The following WIPF2 variants were observed in gnomAD, a reference collection of about 807,000 sequenced individuals.
The protein encoded by WIPF2 is WAS/WASL-interacting protein family member 2.
In WIPF2, 23 loss-of-function variants were observed where a neutral mutation model predicts 38.8. The observed-to-expected ratio is 0.59, with a 90% confidence interval of 0.43 to 0.84. The LOEUF (loss-of-function observed/expected upper bound fraction) is 0.84. Ranked by LOEUF, WIPF2 falls within the 40% of genes least tolerant of loss-of-function variation. WIPF2 has a pLI of 0.00. For missense variants in WIPF2, 574 were observed against 580.5 expected, an observed-to-expected ratio of 0.99 and a Z score of 0.11; for synonymous variants, 210 against 223.2, an observed-to-expected ratio of 0.94 and a Z score of 0.53.
In WIPF2 at chr17:40,279,749, T is replaced by C. The variant is rs1289804372; in HGVS notation, c.*1524T>C. On this transcript the variant is annotated 3_prime_UTR_variant, in exon 8 of 8. Coordinates refer to ENST00000323571, the MANE Select transcript of WIPF2 (RefSeq NM_133264.5). ...GCGTGGCATGAGAGCAAGGAGACCA[T>C]GGCTACTCTTTGAAATGGATGGGGA... is the stretch of plus-strand genomic sequence containing the variant. 1 of 150,742 alleles carries C rather than the reference T, an allele frequency of 6.6e-6. No homozygotes were observed. Among genetic ancestry groups the C allele is most frequent in the East Asian group, 2.0e-4 (1 of 5,112 alleles). 9.3% of individuals were successfully genotyped at this position (150,742 alleles called of 1,614,324 possible). A position where few individuals can be genotyped will look rare whatever the true frequency, so the allele number is the denominator to read the frequency against.
rs2032032962 is a variant in WIPF2, at chr17:40,264,897, A to G, written c.721A>G (p.Thr241Ala). The change falls in exon 5 of 8, where the codon ACA (threonine) becomes GCA (alanine). Residue 241 changes from threonine (T) to alanine (A), a missense_variant. Transcript: ENST00000323571. ...KPPPSPVNIR[T>A]GPSGQSLAPP... ...ACCTCCTTCCCCTGTGAATATCAGA[A>G]CAGGACCAAGTGGCCAGTCTCTGGC... 2.5e-6 allele frequency: 4 copies of G among 1,614,054 alleles called. No individual in the cohort carries two copies. The highest frequency in any genetic ancestry group is 3.4e-6 in the Non-Finnish European group (4 of 1,180,028).
rs1567716394 is a variant in WIPF2 at position 40,250,217 on chromosome 17, A to ATT, written c.-69-6173_-69-6172insTT. ...GAGGATGTGCAAAGCGAATTTTATC[A>ATT]TGTTTTTTTTTTTTTTTTTTTTTTT... On this transcript the variant is annotated intron_variant, in intron 1 of 7. Transcript: ENST00000323571. 2.2e-4 allele frequency among the ~76,000 whole-genome samples: 18 copies of ATT among 80,258 alleles called. 1 individual carries two copies. The highest frequency in any genetic ancestry group is 2.7e-4 in the Admixed American group (2 of 7,500). The allele number at this position is 80,258 out of a possible 152,430, so 52.7% of individuals were successfully genotyped here.
chr17:40,255,773 C>T (rs796506911), intron 1 of WIPF2, among the ~76,000 whole-genome samples: 41 of 151,916 alleles, frequency 2.7e-4, no homozygotes, highest in African/African-American at 8.9e-4. Flanking sequence ...GGACTGCAGG[C>T]GCCCACCACC....
chr17:40,259,779 T>C (rs1396541032), intron 2 of WIPF2, among the ~76,000 whole-genome samples: 8 of 152,178 alleles, frequency 5.3e-5, no homozygotes, highest in Non-Finnish European at 1.0e-4. Flanking sequence ...CCTTTCCAAA[T>C]GGCGACAATG....
chr17:40,246,396 ATTT>A (rs746176753), intron 1 of WIPF2, among the ~76,000 whole-genome samples: 2 of 90,686 alleles, frequency 2.2e-5, no homozygotes, highest in Admixed American at 2.4e-4. Context: ...TGTGCTGCTC[ATTT>A]TTTTTTTTTT....
intron 1 of WIPF2, among the ~76,000 whole-genome samples, chr17:40,228,851 A>T (rs574484655): frequency 2.6e-5 from 4 of 151,864 alleles, no homozygotes; most frequent in African/African-American, 9.7e-5. Flanking sequence ...CTCGGGCTTA[A>T]GCAGTCCTCC....
At chr17:40,266,872 A>G (rs988555543) in intron 5 of WIPF2, among the ~76,000 whole-genome samples, 1 of 152,178 alleles carries the variant, frequency 6.6e-6, no homozygotes, top group African/African-American at 2.4e-5. Flanking sequence ...TAGTTCTTCC[A>G]TAGTAACAAG....
At chr17:40,277,787 G>T (rs1191782783) in intron 7 of WIPF2, among the ~76,000 whole-genome samples, 1 of 139,978 alleles carries the variant, frequency 7.1e-6, no homozygotes, top group East Asian at 2.2e-4. Flanking sequence ...GTGCAGTGGT[G>T]CCATCTCGGC....
chr17:40,248,010 G>T (rs2031427235), intron 1 of WIPF2, among the ~76,000 whole-genome samples: 1 of 151,666 alleles, frequency 6.6e-6, no homozygotes, highest in Non-Finnish European at 1.5e-5. Context: ...TTCTATTTTT[G>T]TCTGAAACCT....
Position 40,256,542 on chromosome 17 carries a change from G to C in WIPF2, c.63+20G>C. 1 of 1,594,644 alleles carries C rather than the reference G, an allele frequency of 6.3e-7. No individual in the cohort carries two copies. The highest frequency in any genetic ancestry group is 2.3e-5 in the East Asian group (1 of 43,054). ...CATCAGGTAGGTAGTCCTTCCATTA[G>C]GCTATCTCAAAACCTTTGAGTAAAT... On this transcript the variant is annotated intron_variant, in intron 2 of 7. Coordinates refer to ENST00000323571, the MANE Select transcript of WIPF2 (RefSeq NM_133264.5).
intron 4 of WIPF2, among the ~76,000 whole-genome samples, 164 bp from the exon 5 acceptor site, chr17:40,264,326 C>CAAAAA (rs772320240): frequency 2.9e-4 from 7 of 23,948 alleles, no homozygotes; most frequent in South Asian, 1.7e-3. Context: ...AACTTCGTCT[C>CAAAAA]AAAAAAAAAA....
intron 4 of WIPF2, 100 bp downstream of exon 4, chr17:40,262,741 G>A (rs1397674386): frequency 2.2e-6 from 2 of 929,882 alleles, no homozygotes; most frequent in Admixed American, 1.9e-5. Flanking sequence ...GAGGTGGGGG[G>A]AAGAAAGACT....
chr17:40,249,743 G>A (rs1027743123), intron 1 of WIPF2, among the ~76,000 whole-genome samples: 3 of 151,366 alleles, frequency 2.0e-5, no homozygotes, highest in African/African-American at 4.9e-5. Context: ...GTGAGCCACC[G>A]CACCCTGCCA....
intron 5 of WIPF2, among the ~76,000 whole-genome samples, chr17:40,272,866 A>G (rs2145408582): frequency 6.6e-6 from 1 of 152,302 alleles, no homozygotes; most frequent in East Asian, 1.9e-4. Context: ...CACAGAATAA[A>G]TAATTATAAT....
At chr17:40,273,060 GTC>G (rs2032292467) in intron 5 of WIPF2, among the ~76,000 whole-genome samples, 3 of 152,256 alleles carry the variant, frequency 2.0e-5, no homozygotes, top group Middle Eastern at 6.8e-3. Context: ...TTGAGATGGA[GTC>G]TCTCTCTGTT....
intron 1 of WIPF2, among the ~76,000 whole-genome samples, chr17:40,222,507 TCAACAA>T (rs774875261): frequency 2.7e-4 from 41 of 149,496 alleles, no homozygotes; most frequent in South Asian, 1.1e-3. Context: ...AAACTCCACC[TCAACAA>T]CAACAACAAC....
chr17:40,230,823 T>C (rs778909709), intron 1 of WIPF2, among the ~76,000 whole-genome samples: 11 of 152,216 alleles, frequency 7.2e-5, no homozygotes, highest in Non-Finnish European at 1.3e-4. Flanking sequence ...AGAGAACAGA[T>C]GTTCTTTTAT....
At chr17:40,237,317 C>G (rs879356129) in intron 1 of WIPF2, among the ~76,000 whole-genome samples, 2 of 150,378 alleles carry the variant, frequency 1.3e-5, no homozygotes, top group East Asian at 3.9e-4. Flanking sequence ...CTCGGGTCAC[C>G]GCAATCTCCG....
intron 6 of WIPF2, among the ~76,000 whole-genome samples, chr17:40,274,454 C>T (rs936581744): frequency 4.0e-5 from 6 of 148,488 alleles, no homozygotes; most frequent in African/African-American, 1.2e-4. Context: ...TTGCCCAGGC[C>T]GCTGTCAAAC....
Sources: allele counts gnomAD v4.1 joint callset (sites outside exome capture counted in the v4.1 genomes callset), GRCh38; gene constraint gnomAD v4.1.1; transcripts MANE v1.5; gene names NCBI Gene and HGNC (gene_info 2026-07-23, HGNC 2026-07-21).